TMEM40: variants seen among roughly 807,000 people sequenced by gnomAD.
TMEM40 encodes the protein transmembrane protein 40.
A neutral mutation model predicts 40.8 loss-of-function variants in TMEM40; 34 were observed. The observed-to-expected ratio is 0.83, with a 90% CI of 0.63 to 1.11. TMEM40 has a LOEUF of 1.11. Ranked by LOEUF, TMEM40 falls within the 50% of genes least tolerant of loss-of-function variation. The pLI, the probability that TMEM40 is intolerant of heterozygous loss-of-function variation, is 0.00. For missense variants in TMEM40, 296 were observed against 280.2 expected, an observed-to-expected ratio of 1.06 and a Z score of -0.40; for synonymous variants, 106 against 107.0, an observed-to-expected ratio of 0.99 and a Z score of 0.06.
intron 1 of TMEM40, among the ~76,000 whole-genome samples, chr3:12,755,617 T>G (rs2061521390): frequency 6.6e-6 from 1 of 152,008 alleles, no homozygotes; most frequent in Admixed American, 6.6e-5. Flanking sequence ...AGGAGGAAAA[T>G]ATTAATTTAT....
At chr3:12,760,693 T>A (rs2061563690), upstream of TMEM40, among the ~76,000 whole-genome samples, 1 of 152,298 alleles carries the variant, frequency 6.6e-6, no homozygotes, top group South Asian at 2.1e-4. Context: ...TCTCATTACG[T>A]ATTGCTTTGC....
chr3:12,737,181 CTTT>C (rs1355255127), intron 8 of TMEM40, among the ~76,000 whole-genome samples: 4 of 139,832 alleles, frequency 2.9e-5, no homozygotes, highest in Non-Finnish European at 1.6e-5. Context: ...TGCCTGGCCT[CTTT>C]TTTTTTTTTT....
At chr3:12,745,866 G>A (rs2061423277) in intron 3 of TMEM40, among the ~76,000 whole-genome samples, 1 of 151,950 alleles carries the variant, frequency 6.6e-6, no homozygotes, top group Non-Finnish European at 1.5e-5. Context: ...GCAGAACTGT[G>A]AGCTAAATAC....
At chr3:12,767,222 C>G (rs567705979) in intron 1 of TMEM40, among the ~76,000 whole-genome samples, 2 of 152,170 alleles carry the variant, frequency 1.3e-5, no homozygotes, top group African/African-American at 4.8e-5. Context: ...TTTTTCAGTG[C>G]CTTCCTGTCA....
intron 1 of TMEM40, among the ~76,000 whole-genome samples, chr3:12,767,896 C>T (rs909026981): frequency 3.9e-5 from 6 of 152,142 alleles, no homozygotes; most frequent in Non-Finnish European, 8.8e-5. Context: ...ATAGCTTGTC[C>T]AGGAAGCAAA....
chr3:12,754,527 A>T (rs76207189), intron 1 of TMEM40, among the ~76,000 whole-genome samples: 12,119 of 152,274 alleles, frequency 0.08, 631 homozygotes, highest in Non-Finnish European at 0.13. Flanking sequence ...AATATAAGCC[A>T]ACAAGGTGAT....
Position 12,734,674 on chromosome 3 carries a change from T to C in TMEM40, c.*100A>G. The C allele has an allele frequency of 7.2e-7, 1 of 1,380,718 alleles. No individual in the cohort carries two copies. The highest frequency in any genetic ancestry group is 1.2e-5 in the South Asian group (1 of 80,716). 85.5% of individuals were successfully genotyped at this position (1,380,718 alleles called of 1,614,324 possible). ...TTCTGTTTATTGGTCTGGCTTGGTC[T>C]CCTGTGCGTCTCTCAGAATGCTGCT... On this transcript the variant is annotated 3_prime_UTR_variant, in exon 12 of 12. Coordinates refer to ENST00000314124, the MANE Select transcript of TMEM40 (RefSeq NM_018306.4).
At chr3:12,762,987 C>T (rs1486452161), upstream of TMEM40, among the ~76,000 whole-genome samples, 2 of 151,912 alleles carry the variant, frequency 1.3e-5, no homozygotes, top group Non-Finnish European at 1.5e-5. Flanking sequence ...GTGAAACCCC[C>T]GTCTCTACTA....
rs764563207 is a variant in TMEM40 at position 12,743,858 on chromosome 3, G to A, written c.301+42C>T. On this transcript the variant is annotated intron_variant, in intron 4 of 11. Coordinates refer to ENST00000314124, the MANE Select transcript of TMEM40 (RefSeq NM_018306.4). ...CAGTCCCACGGAGAAACTCAACGGT[G>A]AGCGAGTGGGCAAAAGAAAAATGGT... 3 of 1,581,062 alleles carry A rather than the reference G, an allele frequency of 1.9e-6. No individual in the cohort carries two copies. In the Admixed American group the frequency reaches 5.0e-5, roughly 27 times the overall value.
At chr3:12,755,508 G>A (rs9871587) in intron 1 of TMEM40, among the ~76,000 whole-genome samples, 16,251 of 151,862 alleles carry the variant, frequency 0.11, 1,530 homozygotes, top group African/African-American at 0.25. Flanking sequence ...TCCTGAGCAC[G>A]TTGCCATGTG....
intron 2 of TMEM40, among the ~76,000 whole-genome samples, chr3:12,749,242 T>A (rs1300631914): frequency 6.6e-6 from 1 of 152,084 alleles, no homozygotes; most frequent in African/African-American, 2.4e-5. Flanking sequence ...GCCAGGATGG[T>A]CTCGATCTCC....
intron 1 of TMEM40, among the ~76,000 whole-genome samples, chr3:12,755,229 C>CACTTTCTTTCTTTCTTTCTT (rs2061514645): frequency 3.1e-5 from 2 of 65,504 alleles, no homozygotes; most frequent in African/African-American, 1.3e-4. Context: ...CTCTCTCTCT[C>CACTTTCTTTCTTTCTTTCTT]TCTCTCTTTC....
In TMEM40 at chr3:12,741,620, G is replaced by C. The variant is rs756284187; in HGVS notation, c.355+834C>G. Among the ~76,000 whole-genome samples the C allele has an allele frequency of 2.0e-5, 3 of 152,200 alleles. No homozygotes were observed. In the East Asian group the frequency reaches 5.8e-4, roughly 29 times the overall value. On this transcript the variant is annotated intron_variant, in intron 5 of 11. Coordinates refer to ENST00000314124, the MANE Select transcript of TMEM40 (RefSeq NM_018306.4). Reference sequence around the variant, plus strand: ...AGTGAATGTATCTACATTTTCTACAGTGAATATGAATTACTTAATGAGAAA... The same window carrying C: ...AGTGAATGTATCTACATTTTCTACACTGAATATGAATTACTTAATGAGAAA...
rs913804721 is a variant in TMEM40, at chr3:12,733,817, C to T, written c.*957G>A. On this transcript the variant is annotated 3_prime_UTR_variant, in exon 12 of 12. Coordinates refer to ENST00000314124, the MANE Select transcript of TMEM40 (RefSeq NM_018306.4). ...ATAAAAAAAGGGTATGTGAGGGATACATATGTTAATTAGCTTGATTTAGCC... is the reference window on the plus strand; with the variant it reads ...ATAAAAAAAGGGTATGTGAGGGATATATATGTTAATTAGCTTGATTTAGCC... The T allele has an allele frequency of 1.3e-5, 2 of 151,684 alleles. No individual in the cohort carries two copies. Among genetic ancestry groups the T allele is most frequent in the Non-Finnish European group, 2.9e-5 (2 of 67,956 alleles). 9.4% of individuals were successfully genotyped at this position (151,684 alleles called of 1,614,324 possible). A position where few individuals can be genotyped will look rare whatever the true frequency, so the allele number is the denominator to read the frequency against.
chr3:12,743,752 C>T, intron 4 of TMEM40, 148 bp downstream of exon 4: 1 of 683,232 alleles, frequency 1.5e-6, no homozygotes, highest in Non-Finnish European at 2.4e-6. Flanking sequence ...CAGGGTGTAG[C>T]ATCCTTTATC....
upstream of TMEM40, among the ~76,000 whole-genome samples, chr3:12,763,736 C>T (rs973365528): frequency 7.9e-5 from 12 of 152,130 alleles, no homozygotes; most frequent in South Asian, 4.1e-4. Context: ...GCCTGGCACA[C>T]GTCAGCCCCT....
intron 3 of TMEM40, 42 bp downstream of exon 3, chr3:12,748,613 T>G (rs895443079): frequency 4.4e-6 from 7 of 1,578,394 alleles, no homozygotes; most frequent in Non-Finnish European, 5.2e-6. Context: ...CATGTAAATC[T>G]TTTTCTTGAA....
At position 12,734,681 on chromosome 3, in the gene TMEM40, C is replaced by T. The variant is rs1382479847; in HGVS notation, c.*93G>A. On this transcript the variant is annotated 3_prime_UTR_variant, in exon 12 of 12. Transcript: ENST00000314124. ...TATTGGTCTGGCTTGGTCTCCTGTG[C>T]GTCTCTCAGAATGCTGCTCTGCCCT... The T allele has an allele frequency of 5.6e-6, 8 of 1,422,772 alleles. No individual in the cohort carries two copies. Among genetic ancestry groups the T allele is most frequent in the Admixed American group, 3.9e-5 (2 of 50,778 alleles). The allele number at this position is 1,422,772 out of a possible 1,614,324, so 88.1% of individuals were successfully genotyped here. A position where few individuals can be genotyped will look rare whatever the true frequency, so the allele number is the denominator to read the frequency against.
At chr3:12,766,594 C>CAA (rs57274225) in intron 1 of TMEM40, among the ~76,000 whole-genome samples, 3 of 95,098 alleles carry the variant, frequency 3.2e-5, no homozygotes, top group South Asian at 3.6e-4. Flanking sequence ...GACTCCATCT[C>CAA]AAAAAAAAAA....
Sources: gnomAD v4.1 joint callset for allele counts (sites outside exome capture counted in the v4.1 genomes callset) on GRCh38, gnomAD v4.1.1 for gene constraint, MANE v1.5 for transcripts, NCBI Gene and HGNC (gene_info 2026-07-23, HGNC 2026-07-21) for gene names.